Variants in SCN11A observed in about 807,000 individuals in gnomAD.
SCN11A encodes the protein sodium voltage-gated channel alpha subunit 11, also known as sodium channel protein type 11 subunit alpha.
SCN11A carries 122 observed loss-of-function variants against 162.2 expected under a neutral mutation model. The observed-to-expected ratio is 0.75, with a 90% CI of 0.65 to 0.87. The LOEUF (loss-of-function observed/expected upper bound fraction) is 0.87, where lower values mean the gene tolerates loss of function less well. Ranked by LOEUF, SCN11A falls within the 40% of genes least tolerant of loss-of-function variation. The probability of loss-of-function intolerance (pLI) is 0.00; values close to 1 mark genes in which losing one functional copy is unlikely to be tolerated. For synonymous variants in SCN11A, 758 were observed against 751.5 expected (o/e 1.01, Z -0.14); for missense variants, 2,015 against 2,181.6 (o/e 0.92, Z 1.52).
At position 38,847,591 on chromosome 3, in the gene SCN11A, C is replaced by A. The variant is rs201757165; in HGVS notation, c.4479G>T (p.Ser1493=). The stretch of plus-strand genomic sequence containing the variant: ...GACCAATGTTGAACAGAGAAGGAAG[C>A]GACATCATCAGAGCAAAGAGGAGAG... The part of the protein sequence containing the change: ...IRTLLFALMM[S]LPSLFNIGLL... Residue 1493 remains serine, a synonymous_variant, in exon 30 of 30, where the codon TCG becomes TCT. Coordinates refer to ENST00000302328, the MANE Select transcript of SCN11A (RefSeq NM_001349253.2). 7.1e-5 allele frequency: 114 copies of A among 1,613,936 alleles called. No homozygotes were observed. The highest frequency in any genetic ancestry group is 8.3e-5 in the Non-Finnish European group (98 of 1,180,014).
intron 2 of SCN11A, among the ~76,000 whole-genome samples, chr3:39,029,868 A>G (rs1052666041): frequency 1.3e-5 from 2 of 152,270 alleles, no homozygotes. Flanking sequence ...GCTTAGAGAC[A>G]TAAAGAATGC....
At chr3:39,043,416 A>G (rs2032104562) in intron 1 of SCN11A, among the ~76,000 whole-genome samples, 1 of 151,610 alleles carries the variant, frequency 6.6e-6, no homozygotes, top group African/African-American at 2.4e-5. Flanking sequence ...AAGCAACCTA[A>G]GTGTCCATCA....
intron 3 of SCN11A, among the ~76,000 whole-genome samples, 45 bp downstream of exon 3, chr3:38,960,238 A>G (rs2066728261): frequency 6.6e-6 from 1 of 152,184 alleles, no homozygotes; most frequent in Non-Finnish European, 1.5e-5. Context: ...CAGGTCCCAG[A>G]CTTGAAAGAA....
Position 38,847,446 on chromosome 3 carries a change from G to T in SCN11A, c.4624C>A (p.Leu1542Ile). The stretch of plus-strand genomic sequence containing the variant: ...GATGTGCTTATCTGGAAGAGACAGA[G>T]CATGCTGCTGGCAAAAGTCTTGAAG... The part of the protein sequence containing the change: ...FNFKTFASSM[L>I]CLFQISTSAG... Residue 1542 changes from leucine (L) to isoleucine (I), a missense_variant, in exon 30 of 30, where the codon CTC (leucine) becomes ATC (isoleucine). By Grantham distance (5) the Leu-to-Ile change is conservative (BLOSUM62 2). Coordinates refer to ENST00000302328, the MANE Select transcript of SCN11A (RefSeq NM_001349253.2). 1 of 1,614,186 alleles carries T rather than the reference G, an allele frequency of 6.2e-7. No homozygotes were observed. The highest frequency in any genetic ancestry group is 1.7e-5 in the Admixed American group (1 of 60,022).
chr3:38,875,131 G>A (rs1414643988), intron 23 of SCN11A, among the ~76,000 whole-genome samples: 1 of 152,156 alleles, frequency 6.6e-6, no homozygotes, highest in African/African-American at 2.4e-5. Context: ...CAGCTGATAA[G>A]TGGTGAATTT....
intron 23 of SCN11A, among the ~76,000 whole-genome samples, chr3:38,874,298 C>A (rs2065174778): frequency 2.0e-5 from 3 of 152,094 alleles, no homozygotes; most frequent in South Asian, 4.1e-4. Context: ...TGTTATCCAA[C>A]TTTAAAATTT....
At chr3:38,892,647 T>C (rs1312407731) in intron 19 of SCN11A, among the ~76,000 whole-genome samples, 1 of 152,064 alleles carries the variant, frequency 6.6e-6, no homozygotes, top group African/African-American at 2.4e-5. Context: ...AGACATCTAG[T>C]TATATTAAGC....
intron 2 of SCN11A, among the ~76,000 whole-genome samples, chr3:39,019,865 A>C (rs900657536): frequency 5.3e-5 from 8 of 152,120 alleles, no homozygotes; most frequent in African/African-American, 1.2e-4. Context: ...TCATCAGATA[A>C]ATTTTTTAAA....
chr3:39,044,722 G>C (rs750395042), intron 1 of SCN11A, among the ~76,000 whole-genome samples: 2 of 151,936 alleles, frequency 1.3e-5, no homozygotes, highest in Non-Finnish European at 2.9e-5. Context: ...AAAAAAAGCA[G>C]AAAGATTACA....
chr3:38,869,117 A>G (rs1297203474), intron 26 of SCN11A, among the ~76,000 whole-genome samples: 1 of 152,140 alleles, frequency 6.6e-6, no homozygotes, highest in Non-Finnish European at 1.5e-5. Flanking sequence ...ATCAAGCTAG[A>G]AGCCAGCATA....
intron 7 of SCN11A, among the ~76,000 whole-genome samples, chr3:38,944,547 T>C (rs552686640): frequency 7.7e-4 from 117 of 151,958 alleles, no homozygotes; most frequent in African/African-American, 1.4e-3. Context: ...AGGATGGTCT[T>C]GATCTCCTGA....
At chr3:38,897,264 C>G in intron 17 of SCN11A, 39 bp from the exon 18 acceptor site, 1 of 1,551,720 alleles carries the variant, frequency 6.4e-7, no homozygotes, top group Non-Finnish European at 8.7e-7. Flanking sequence ...GAAGAAAAGC[C>G]AGTTAAGGAC....
chr3:39,037,810 T>C (rs1008766376), intron 1 of SCN11A, among the ~76,000 whole-genome samples: 3 of 152,088 alleles, frequency 2.0e-5, no homozygotes, highest in Non-Finnish European at 4.4e-5. Context: ...GAAATGAGAA[T>C]GGGAGCCGAA....
intron 2 of SCN11A, among the ~76,000 whole-genome samples, chr3:39,024,409 G>A (rs1001160079): frequency 6.6e-6 from 1 of 152,190 alleles, no homozygotes; most frequent in African/African-American, 2.4e-5. Context: ...CCTACTATCA[G>A]GCAAGGGCAG....
intron 2 of SCN11A, among the ~76,000 whole-genome samples, chr3:39,011,388 G>T (rs2031129637): frequency 6.6e-6 from 1 of 152,202 alleles, no homozygotes; most frequent in Admixed American, 6.5e-5. Context: ...AGAAAGGAAT[G>T]TTAAGTTCTG....
chr3:39,019,334 C>G (rs1406959860), intron 2 of SCN11A, among the ~76,000 whole-genome samples: 3 of 152,126 alleles, frequency 2.0e-5, no homozygotes, highest in East Asian at 3.8e-4. Context: ...TTCCCACACC[C>G]TTTTGATTGC....
At chr3:39,037,086 A>G (rs1326045921) in intron 1 of SCN11A, among the ~76,000 whole-genome samples, 1 of 152,248 alleles carries the variant, frequency 6.6e-6, no homozygotes, top group African/African-American at 2.4e-5. Context: ...GTGTTCATCA[A>G]CAGACAAGTG....
Position 39,051,941 on chromosome 3 carries a change from T to A in SCN11A, c.-484A>T. The A allele has an allele frequency of 1.3e-6, 2 of 1,569,710 alleles. No individual in the cohort carries two copies. Among genetic ancestry groups the A allele is most frequent in the Non-Finnish European group, 1.8e-6 (2 of 1,142,386 alleles). On this transcript the variant is annotated 5_prime_UTR_variant, in exon 1 of 30. Transcript: ENST00000302328. ...GCCTGTTTACCTTCAGCCCCGCCAC[T>A]AACCCTTGGCCAAAGGGAAAGGGGC...
intron 2 of SCN11A, among the ~76,000 whole-genome samples, chr3:38,963,497 T>TATATATATATGATGGAGATAC (rs1319331514): frequency 1.7e-4 from 25 of 147,010 alleles, no homozygotes; most frequent in African/African-American, 5.8e-4. Flanking sequence ...GATGGAGATA[T>TATATATATATGATGGAGATAC]ATATATATAT....
Sources: allele counts gnomAD v4.1 joint callset (sites outside exome capture counted in the v4.1 genomes callset), GRCh38; gene constraint gnomAD v4.1.1; transcripts MANE v1.5; gene names NCBI Gene and HGNC (gene_info 2026-07-23, HGNC 2026-07-21).